RPP30: variants seen among roughly 807,000 people sequenced by gnomAD.
The protein encoded by RPP30 is ribonuclease P/MRP subunit p30.
A neutral mutation model predicts 38.6 loss-of-function variants in RPP30; 36 were observed. That is an observed-to-expected ratio of 0.93 (90% confidence interval 0.71 to 1.23). The LOEUF is 1.23. Among genes scored for constraint, RPP30 ranks in the 50% most tolerant of loss-of-function variants. RPP30 has a pLI of 0.00. For missense variants in RPP30, 321 were observed against 321.7 expected, an observed-to-expected ratio of 1.00 and a Z score of 0.02; for synonymous variants, 126 against 112.7, an observed-to-expected ratio of 1.12 and a Z score of -0.75.
At chr10:90,893,078 A>T (rs1319230759) in intron 6 of RPP30, among the ~76,000 whole-genome samples, 1 of 152,224 alleles carries the variant, frequency 6.6e-6, no homozygotes, top group Admixed American at 6.5e-5. Flanking sequence ...AAAGTCAAAA[A>T]ATGAGAGAGG....
At chr10:90,882,678 T>C (rs1846945799) in intron 5 of RPP30, among the ~76,000 whole-genome samples, 1 of 148,572 alleles carries the variant, frequency 6.7e-6, no homozygotes, top group Admixed American at 6.7e-5. Flanking sequence ...AAAAAGTAAA[T>C]GGAGGCTGGA....
At chr10:90,902,892 C>T (rs1017709644), downstream of RPP30, among the ~76,000 whole-genome samples, 1 of 152,168 alleles carries the variant, frequency 6.6e-6, no homozygotes, top group Non-Finnish European at 1.5e-5. Context: ...TGCTTTTTTC[C>T]TTCACCCTGC....
chr10:90,896,377 G>T lies in RPP30; in HGVS notation c.682G>T (p.Ala228Ser). 1 of 1,614,034 alleles carries T rather than the reference G, an allele frequency of 6.2e-7. No individual in the cohort carries two copies. The highest frequency in any genetic ancestry group is 8.5e-7 in the Non-Finnish European group (1 of 1,179,892). The stretch of plus-strand genomic sequence containing the variant: ...TGCGGTGTCCACCAACTGCCGAGCA[G>T]CGCTTCTCCATGGAGGTAAGCAAGT... ...KAAVSTNCRA[A>S]LLHGETRKTA... is the part of the protein sequence containing the mutation. Residue 228 changes from alanine to serine, a missense_variant, in exon 10 of 11, where the codon GCG (alanine) becomes TCG (serine). By Grantham distance (99) the Ala-to-Ser change is moderately conservative. Coordinates refer to ENST00000371703, the MANE Select transcript of RPP30 (RefSeq NM_006413.5).
At chr10:90,886,366 CAA>C (rs1846999987) in intron 6 of RPP30, among the ~76,000 whole-genome samples, 1 of 152,192 alleles carries the variant, frequency 6.6e-6, no homozygotes, top group African/African-American at 2.4e-5. Context: ...TGCTTATTCA[CAA>C]AGAGCCCAGA....
chr10:90,895,630 A>C, intron 8 of RPP30, 147 bp downstream of exon 8: 1 of 535,134 alleles, frequency 1.9e-6, no homozygotes, highest in Non-Finnish European at 3.1e-6. Flanking sequence ...CTAAATAGTA[A>C]AATTTATCCC....
rs769611170 is a variant in RPP30 at position 90,872,059 on chromosome 10, G to A, written c.73G>A (p.Ala25Thr). The A allele has an allele frequency of 1.9e-6, 3 of 1,613,988 alleles. No individual in the cohort carries two copies. The highest frequency in any genetic ancestry group is 2.5e-6 in the Non-Finnish European group (3 of 1,179,956). ...LKALRGLVET[A>T]AHLGYSVVAI... ...GGCTCTGCGCGGACTTGTGGAGACA[G>A]CCGCTCACCGTGAGTTGCCCCGGCT... The change falls in exon 1 of 11, where the codon GCC (alanine) becomes ACC (threonine). Residue 25 changes from alanine to threonine, a missense_variant. By Grantham distance (58) the Ala-to-Thr change is moderately conservative. Transcript: ENST00000371703.
At chr10:90,872,255 G>A in intron 1 of RPP30, 187 bp downstream of exon 1, 1 of 604,866 alleles carries the variant, frequency 1.7e-6, no homozygotes, top group Non-Finnish European at 3.0e-6. Context: ...GGTTCTGGGG[G>A]TTGTTATCTG....
intron 5 of RPP30, among the ~76,000 whole-genome samples, chr10:90,884,631 A>G (rs1846975750): frequency 1.3e-5 from 2 of 152,226 alleles, no homozygotes; most frequent in Admixed American, 1.3e-4. Flanking sequence ...CTAAGTTACT[A>G]TGACTGTCTT....
rs185131994 is a variant in RPP30 at position 90,873,352 on chromosome 10, A to T, written c.82+1284A>T. ...GGTTATTTGTTTGTAAATTAAATGG[A>T]ATTCATGGCATATAAAGTTGCCTCA... On this transcript the variant is annotated intron_variant, in intron 1 of 10. Transcript: ENST00000371703. Among the ~76,000 whole-genome samples the T allele has an allele frequency of 2.0e-3, 306 of 152,340 alleles. 2 individuals carry two copies. The highest frequency in any genetic ancestry group is 3.8e-3 in the Non-Finnish European group (260 of 68,032).
intron 6 of RPP30, among the ~76,000 whole-genome samples, chr10:90,893,751 T>G (rs1847108218): frequency 6.6e-6 from 1 of 152,208 alleles, no homozygotes; most frequent in African/African-American, 2.4e-5. Flanking sequence ...AAACTTCTCC[T>G]TGATAGCACT....
intron 5 of RPP30, chr10:90,880,071 G>A (rs930881532): frequency 4.8e-5 from 7 of 146,132 alleles, no homozygotes; most frequent in Admixed American, 1.4e-4. Flanking sequence ...ATTAAGAAAA[G>A]GGGAAAGAGT....
chr10:90,872,196 C>A, intron 1 of RPP30, 128 bp downstream of exon 1: 3 of 781,880 alleles, frequency 3.8e-6, no homozygotes, highest in South Asian at 3.1e-5. Context: ...TCCCTGGAGG[C>A]TGATGCCCGC....
rs1846889396 is a variant in RPP30, at chr10:90,879,047, C to G, written c.271-16C>G. On this transcript the variant is annotated splice_polypyrimidine_tract_variant and intron_variant, in intron 4 of 10. Transcript: ENST00000371703. ...GATTTTGTTATTGTATGATAACATT[C>G]TTTTTGTATTCCTAGAGAGCAACTT... 6.2e-7 allele frequency: 1 copy of G among 1,608,608 alleles called. No individual in the cohort carries two copies. Among genetic ancestry groups the G allele is most frequent in the South Asian group, 1.1e-5 (1 of 90,532 alleles).
chr10:90,892,489 T>G (rs1234731925), intron 6 of RPP30, among the ~76,000 whole-genome samples: 1 of 152,144 alleles, frequency 6.6e-6, no homozygotes, highest in Non-Finnish European at 1.5e-5. Flanking sequence ...ATATCCTTTT[T>G]TTCTCCCCTC....
downstream of RPP30, chr10:90,905,935 T>C (rs1399397344): frequency 6.6e-6 from 1 of 152,344 alleles, no homozygotes; most frequent in Middle Eastern, 3.4e-3. Context: ...CAGGATTAAA[T>C]AATTCATTGT....
At chr10:90,888,126 C>G (rs1847024675) in intron 6 of RPP30, among the ~76,000 whole-genome samples, 1 of 152,200 alleles carries the variant, frequency 6.6e-6, no homozygotes, top group South Asian at 2.1e-4. Flanking sequence ...AGTAGCACCC[C>G]CAGAGTTGGG....
chr10:90,902,838 T>A (rs1042458044), downstream of RPP30, among the ~76,000 whole-genome samples: 2 of 152,240 alleles, frequency 1.3e-5, no homozygotes, highest in Non-Finnish European at 2.9e-5. Flanking sequence ...CTGGTGCTGC[T>A]GAGGCCACAC....
In RPP30 at chr10:90,885,877, C is replaced by T. The variant is rs1589497543; in HGVS notation, c.408C>T (p.Tyr136=). Residue 136 remains tyrosine (Y), a synonymous_variant, in exon 6 of 11, where the codon TAC becomes TAT. Transcript: ENST00000371703. ...CITVTEKLPF[Y]FKRPPINVAI... is the part of the protein sequence containing the mutation. ...CTGTAACAGAGAAACTACCATTTTA[C>T]TTCAAAAGACCTCCTATTAATGTGG... is the stretch of plus-strand genomic sequence containing the variant. The T allele has an allele frequency of 1.2e-6, 2 of 1,605,378 alleles. No homozygotes were observed. The highest frequency in any genetic ancestry group is 2.2e-5 in the East Asian group (1 of 44,722).
At position 90,900,887 on chromosome 10, in the gene RPP30, T is replaced by C; in HGVS notation, c.*208T>C. On this transcript the variant is annotated 3_prime_UTR_variant, in exon 11 of 11. Coordinates refer to ENST00000371703, the MANE Select transcript of RPP30 (RefSeq NM_006413.5). ...TAAAAGGCTGCCAGCTTAATGAATT[T>C]AGATGTACTTTAAGAGAGAAAGACT... The C allele has an allele frequency of 7.7e-7, 1 of 1,294,894 alleles. No homozygotes were observed. Among genetic ancestry groups the C allele is most frequent in the South Asian group, 2.5e-5 (1 of 39,404 alleles). The allele number at this position is 1,294,894 out of a possible 1,614,324, so 80.2% of individuals were successfully genotyped here.
Sources: allele counts gnomAD v4.1 joint callset (sites outside exome capture counted in the v4.1 genomes callset), GRCh38; gene constraint gnomAD v4.1.1; transcripts MANE v1.5; gene names NCBI Gene and HGNC (gene_info 2026-07-23, HGNC 2026-07-21).